TRPC4: variants seen among roughly 807,000 people sequenced by gnomAD.
TRPC4 encodes the protein short transient receptor potential channel 4.
Under a neutral mutation model 99.4 loss-of-function variants are expected in TRPC4, and 49 were observed. The observed-to-expected ratio is 0.49, with a 90% confidence interval of 0.39 to 0.63. TRPC4 has a LOEUF of 0.63. Ranked by LOEUF, TRPC4 falls within the 20% of genes least tolerant of loss-of-function variation. The probability of loss-of-function intolerance (pLI) is 0.00; values close to 1 mark genes in which losing one functional copy is unlikely to be tolerated. For synonymous variants in TRPC4, 454 were observed against 425.9 expected (o/e 1.07, Z -0.81); for missense variants, 898 against 1,152.9 (o/e 0.78, Z 3.20).
intron 2 of TRPC4, among the ~76,000 whole-genome samples, chr13:37,748,569 G>A (rs957242954): frequency 4.6e-5 from 7 of 151,878 alleles, no homozygotes; most frequent in African/African-American, 1.7e-4. Flanking sequence ...TAAATCTGCT[G>A]TTTGAGTTTT....
intron 2 of TRPC4, among the ~76,000 whole-genome samples, chr13:37,763,419 G>T (rs1956276885): frequency 6.6e-6 from 1 of 151,484 alleles, no homozygotes. Context: ...ACCTGAGGAA[G>T]AGGAGAAAAG....
At chr13:37,717,581 T>C (rs565141540) in intron 3 of TRPC4, among the ~76,000 whole-genome samples, 6 of 152,228 alleles carry the variant, frequency 3.9e-5, no homozygotes, top group African/African-American at 1.4e-4. Flanking sequence ...TATTTAGAGA[T>C]AAAGTCTTTA....
intron 4 of TRPC4, 33 bp downstream of exon 4, chr13:37,691,966 T>A (rs2138878042): frequency 6.4e-7 from 1 of 1,566,862 alleles, no homozygotes; most frequent in Non-Finnish European, 8.7e-7. Context: ...CAGTAACATG[T>A]TTTTATTATA....
At chr13:37,639,399 T>A in intron 8 of TRPC4, 100 bp from the exon 9 acceptor site, 1 of 1,307,766 alleles carries the variant, frequency 7.6e-7, no homozygotes, top group Non-Finnish European at 1.1e-6. Context: ...TTCTTATTTC[T>A]TCAAAGTGGG....
At chr13:37,653,174 A>AT (rs538965727) in intron 7 of TRPC4, among the ~76,000 whole-genome samples, 21 of 152,076 alleles carry the variant, frequency 1.4e-4, no homozygotes, top group South Asian at 6.2e-4. Flanking sequence ...CTACTATATC[A>AT]TTTTTTTGTT....
intron 8 of TRPC4, among the ~76,000 whole-genome samples, chr13:37,651,033 C>T (rs931214740): frequency 1.3e-5 from 2 of 152,086 alleles, no homozygotes; most frequent in South Asian, 2.1e-4. Flanking sequence ...GTGTGAAGAG[C>T]GGGACTTCTA....
At chr13:37,851,028 CA>C (rs1205887121) in intron 1 of TRPC4, among the ~76,000 whole-genome samples, 1 of 152,170 alleles carries the variant, frequency 6.6e-6, no homozygotes, top group Non-Finnish European at 1.5e-5. Flanking sequence ...GCAGAATATT[CA>C]GCAATCTCAC....
At chr13:37,868,534 T>C (rs1164498790) in intron 1 of TRPC4, among the ~76,000 whole-genome samples, 1 of 152,176 alleles carries the variant, frequency 6.6e-6, no homozygotes, top group African/African-American at 2.4e-5. Context: ...TGTAATATTC[T>C]TTGTGCTGTG....
At position 37,800,896 on chromosome 13, in the gene TRPC4, A is replaced by T. The variant is rs531194448; in HGVS notation, c.-27-17536T>A. On this transcript the variant is annotated intron_variant, in intron 1 of 10. Coordinates refer to ENST00000379705, the MANE Select transcript of TRPC4 (RefSeq NM_016179.4). ...CACAAGAGTATTTCCCTTATATTTA[A>T]TGGTTTCGGTTTTTAAGCTGAAAAT... Among the ~76,000 whole-genome samples the T allele has an allele frequency of 1.8e-4, 28 of 152,064 alleles. No individual in the cohort carries two copies. In the East Asian group the frequency reaches 4.6e-3, roughly 25 times the overall value.
At chr13:37,663,838 G>T in intron 5 of TRPC4, 109 bp from the exon 6 acceptor site, 1 of 1,074,618 alleles carries the variant, frequency 9.3e-7, no homozygotes, top group Non-Finnish European at 1.3e-6. Context: ...AATAATTGAT[G>T]ACTTTGTTTT....
intron 3 of TRPC4, among the ~76,000 whole-genome samples, chr13:37,704,755 T>C (rs1338393498): frequency 2.0e-5 from 3 of 152,214 alleles, no homozygotes; most frequent in African/African-American, 7.2e-5. Context: ...CAAGTCAGCC[T>C]CTTTACTTTC....
chr13:37,818,888 C>T (rs568421189), intron 1 of TRPC4, among the ~76,000 whole-genome samples: 15 of 151,790 alleles, frequency 9.9e-5, no homozygotes, highest in African/African-American at 1.7e-4. Context: ...CACCATGGCA[C>T]GCGTATACCT....
intron 1 of TRPC4, among the ~76,000 whole-genome samples, chr13:37,812,983 C>T (rs1957746679): frequency 6.6e-6 from 1 of 151,652 alleles, no homozygotes; most frequent in Non-Finnish European, 1.5e-5. Context: ...AGCAGTGGAA[C>T]AGCAACTCTA....
At chr13:37,740,949 C>T (rs17203407) in intron 3 of TRPC4, among the ~76,000 whole-genome samples, 12,681 of 152,132 alleles carry the variant, frequency 0.083, 706 homozygotes, top group Admixed American at 0.17. Flanking sequence ...TTAACAATCC[C>T]ATTAATGTGT....
At chr13:37,813,001 GAA>G (rs566430753) in intron 1 of TRPC4, among the ~76,000 whole-genome samples, 1 of 150,916 alleles carries the variant, frequency 6.6e-6, no homozygotes, top group African/African-American at 2.4e-5. Flanking sequence ...CTAAAATATT[GAA>G]AAAAAAGTCA....
chr13:37,703,811 G>C (rs1377486092), intron 3 of TRPC4, among the ~76,000 whole-genome samples: 1 of 151,878 alleles, frequency 6.6e-6, no homozygotes, highest in Non-Finnish European at 1.5e-5. Flanking sequence ...ATCTACCAAT[G>C]ATACATCCAT....
At chr13:37,667,528 G>A (rs1423050680) in intron 5 of TRPC4, among the ~76,000 whole-genome samples, 1 of 152,096 alleles carries the variant, frequency 6.6e-6, no homozygotes, top group Admixed American at 6.5e-5. Flanking sequence ...GGCTGGTCTT[G>A]AACTCCTGAT....
chr13:37,644,189 A>G (rs1199234315), intron 8 of TRPC4, among the ~76,000 whole-genome samples: 1 of 152,210 alleles, frequency 6.6e-6, no homozygotes, highest in African/African-American at 2.4e-5. Flanking sequence ...TATTTAGGAC[A>G]TTCATATCCT....
At chr13:37,686,338 G>A (rs1953478323) in intron 4 of TRPC4, among the ~76,000 whole-genome samples, 1 of 151,794 alleles carries the variant, frequency 6.6e-6, no homozygotes, top group African/African-American at 2.4e-5. Flanking sequence ...ATATATGTAT[G>A]TGTATATATG....
Sources: gnomAD v4.1 joint callset for allele counts (sites outside exome capture counted in the v4.1 genomes callset) on GRCh38, gnomAD v4.1.1 for gene constraint, MANE v1.5 for transcripts, NCBI Gene and HGNC (gene_info 2026-07-23, HGNC 2026-07-21) for gene names.